COL4A4: variants seen among roughly 807,000 people sequenced by gnomAD.
COL4A4 encodes the protein collagen alpha-4(IV) chain.
COL4A4 carries 105 observed loss-of-function variants against 192.9 expected under a neutral mutation model. The observed-to-expected ratio is 0.54, with a 90% CI of 0.46 to 0.64. The LOEUF is 0.64. Ranked by LOEUF, COL4A4 falls within the 30% of genes least tolerant of loss-of-function variation. COL4A4 has a pLI of 0.00. For synonymous variants in COL4A4, 762 were observed against 769.9 expected (o/e 0.99, Z 0.17); for missense variants, 1,967 against 2,169.3 (o/e 0.91, Z 1.85).
At chr2:227,130,448 T>C (rs2062376854) in intron 4 of COL4A4, among the ~76,000 whole-genome samples, 1 of 152,194 alleles carries the variant, frequency 6.6e-6, no homozygotes. Context: ...TGACTAGCTC[T>C]AACCCACTCA....
intron 25 of COL4A4, among the ~76,000 whole-genome samples, chr2:227,067,622 G>A (rs1366906836): frequency 2.0e-5 from 3 of 152,012 alleles, no homozygotes; most frequent in African/African-American, 7.2e-5. Flanking sequence ...TGACTACTGG[G>A]TACATAACGA....
intron 7 of COL4A4, among the ~76,000 whole-genome samples, chr2:227,115,586 T>C (rs1012078352): frequency 6.6e-6 from 1 of 151,236 alleles, no homozygotes; most frequent in African/African-American, 2.5e-5. Flanking sequence ...CTTCAATTCT[T>C]AATATATCTT....
At position 227,007,272 on chromosome 2, in the gene COL4A4, CTT is replaced by C; in HGVS notation, c.*51_*52del. ...CATCTCTTAGCACAGTCTAGGAAGT[CTT>C]AGCCCCCTAGGAAGTTTCTCTTGGC... On this transcript the variant is annotated 3_prime_UTR_variant, in exon 48 of 48. Transcript: ENST00000396625. The C allele has an allele frequency of 6.2e-7, 1 of 1,610,916 alleles. No homozygotes were observed. Among genetic ancestry groups the C allele is most frequent in the African/African-American group, 1.3e-5 (1 of 75,002 alleles).
chr2:227,101,964 A>T (rs1242026242), intron 15 of COL4A4, 55 bp from the exon 16 acceptor site: 3 of 1,263,690 alleles, frequency 2.4e-6, no homozygotes, highest in Non-Finnish European at 3.4e-6. Flanking sequence ...TGCATTAACC[A>T]GCTCAGTGCA....
At chr2:227,063,183 T>C (rs1977569443) in intron 25 of COL4A4, among the ~76,000 whole-genome samples, 1 of 152,204 alleles carries the variant, frequency 6.6e-6, no homozygotes, top group Admixed American at 6.5e-5. Flanking sequence ...TCATCCCCCA[T>C]GTTAAAGAAA....
chr2:227,157,779 A>C lies in COL4A4; in HGVS notation c.-102+6228T>G, dbSNP rs116673883. 7.5e-3 allele frequency among the ~76,000 whole-genome samples: 1,146 copies of C among 152,192 alleles called. 15 individuals are homozygous for C. Among genetic ancestry groups the C allele is most frequent in the African/African-American group, 0.026 (1,091 of 41,580 alleles). ...ATTTTGTAAGTAAAAACCTTCCCCA[A>C]AGAAAACTTCAGGGCTAGGTGGCTT... On this transcript the variant is annotated intron_variant, in intron 1 of 47. Transcript: ENST00000396625.
At chr2:227,023,449 A>AAAAAAAG (rs1966407124) in intron 43 of COL4A4, among the ~76,000 whole-genome samples, 1 of 151,840 alleles carries the variant, frequency 6.6e-6, no homozygotes, top group African/African-American at 2.4e-5. Flanking sequence ...CTCAAAAAAA[A>AAAAAAAG]AAAAAAGAAA....
At chr2:227,061,990 A>T (rs1977173554) in intron 26 of COL4A4, among the ~76,000 whole-genome samples, 2 of 152,288 alleles carry the variant, frequency 1.3e-5, no homozygotes, top group African/African-American at 2.4e-5. Flanking sequence ...CTGTAATCCC[A>T]GCACTTTGGG....
intron 4 of COL4A4, among the ~76,000 whole-genome samples, chr2:227,124,278 T>G: frequency 6.6e-6 from 1 of 152,178 alleles, no homozygotes; most frequent in Non-Finnish European, 1.5e-5. Context: ...CAAAAGTAAT[T>G]GTGGTTTTTG....
the COL4A4 span, among the ~76,000 whole-genome samples, chr2:226,990,894 G>C: frequency 1.3e-5 from 2 of 152,090 alleles, no homozygotes; most frequent in Non-Finnish European, 2.9e-5. Flanking sequence ...TCTCTACCAA[G>C]TTCTTTGGAG....
At chr2:227,015,959 T>G (rs138279936) in intron 44 of COL4A4, among the ~76,000 whole-genome samples, 5 of 152,228 alleles carry the variant, frequency 3.3e-5, no homozygotes, top group African/African-American at 1.2e-4. Context: ...AGTTTTTTTC[T>G]TCCCCTTCAC....
chr2:226,968,703 T>G, the COL4A4 span, among the ~76,000 whole-genome samples: 1 of 152,282 alleles, frequency 6.6e-6, no homozygotes, highest in South Asian at 2.1e-4. Flanking sequence ...TGGGGAATTT[T>G]TAAGTGGGGC....
chr2:227,114,378 G>A (rs2061376739), intron 8 of COL4A4, among the ~76,000 whole-genome samples: 1 of 152,186 alleles, frequency 6.6e-6, no homozygotes, highest in South Asian at 2.1e-4. Context: ...GAGAAACCTT[G>A]AAATAAATAC....
In COL4A4 at chr2:227,059,437, G is replaced by T; in HGVS notation, c.2351C>A (p.Pro784His). ...GLSGVPGIKG[P>H]RGDPGCPGAE... Reference sequence around the variant, plus strand: ...CCCTGGACATCCCGGATCACCTCTGGGTCCTTTTATCCCTGGCACTCCTGA... The same window carrying T: ...CCCTGGACATCCCGGATCACCTCTGTGTCCTTTTATCCCTGGCACTCCTGA... Residue 784 changes from proline (P) to histidine (H), a missense_variant, in exon 28 of 48, where the codon CCC becomes CAC. Coordinates refer to ENST00000396625, the MANE Select transcript of COL4A4 (RefSeq NM_000092.5). The T allele has an allele frequency of 6.2e-7, 1 of 1,614,090 alleles. No individual in the cohort carries two copies. The highest frequency in any genetic ancestry group is 8.5e-7 in the Non-Finnish European group (1 of 1,180,010).
chr2:227,109,602 A>C, intron 9 of COL4A4: 2 of 423,016 alleles, frequency 4.7e-6, no homozygotes, highest in Non-Finnish European at 9.0e-6. Context: ...CAAAAATTAG[A>C]TGGGCGTGGT....
chr2:227,144,773 T>C (rs2063438023), intron 2 of COL4A4, among the ~76,000 whole-genome samples: 1 of 152,186 alleles, frequency 6.6e-6, no homozygotes, highest in Admixed American at 6.5e-5. Flanking sequence ...GAAGTGTGTG[T>C]TGAACCCCTT....
At chr2:227,016,968 G>A (rs968220670) in intron 44 of COL4A4, among the ~76,000 whole-genome samples, 1 of 152,268 alleles carries the variant, frequency 6.6e-6, no homozygotes, top group Admixed American at 6.5e-5. Context: ...CACTCCTGGT[G>A]GAATCTGGAA....
intron 21 of COL4A4, 141 bp downstream of exon 21, chr2:227,089,727 T>C (rs1174061851): frequency 7.1e-6 from 5 of 708,908 alleles, no homozygotes; most frequent in South Asian, 3.1e-5. Context: ...TGTAATCACA[T>C]AGCACTTAAT....
chr2:227,140,891 AC>A (rs2063157774), intron 3 of COL4A4, among the ~76,000 whole-genome samples: 2 of 150,738 alleles, frequency 1.3e-5, no homozygotes, highest in Non-Finnish European at 3.0e-5. Flanking sequence ...ACACACACAC[AC>A]ACACACACAC....
Sources: allele counts gnomAD v4.1 joint callset (sites outside exome capture counted in the v4.1 genomes callset), GRCh38; gene constraint gnomAD v4.1.1; transcripts MANE v1.5; gene names NCBI Gene and HGNC (gene_info 2026-07-23, HGNC 2026-07-21).